CDH2: variants seen among roughly 807,000 people sequenced by gnomAD.
CDH2 encodes cadherin-2.
Under a neutral mutation model 92.0 loss-of-function variants are expected in CDH2, and 17 were observed. The observed-to-expected ratio is 0.18, with a 90% CI of 0.13 to 0.28. CDH2 has a LOEUF of 0.28. CDH2 is among the 10% of genes least tolerant of loss of function. The pLI, the probability that CDH2 is intolerant of heterozygous loss-of-function variation, is 1.00. For synonymous variants in CDH2, 419 were observed against 415.9 expected, an observed-to-expected ratio of 1.01 and a Z score of -0.09; for missense variants, 862 against 1,133.1, an observed-to-expected ratio of 0.76 and a Z score of 3.44.
chr18:27,966,060 AAT>A (rs1045686293), intron 14 of CDH2, among the ~76,000 whole-genome samples: 1 of 151,988 alleles, frequency 6.6e-6, no homozygotes, highest in Non-Finnish European at 1.5e-5. Context: ...TAAAAAATAA[AAT>A]ATGTTTTTTC....
chr18:27,997,097 G>C (rs1475763753), intron 7 of CDH2, among the ~76,000 whole-genome samples: 1 of 152,222 alleles, frequency 6.6e-6, no homozygotes, highest in Admixed American at 6.5e-5. Context: ...AAATAAACAT[G>C]ATGAAATTCT....
intron 1 of CDH2, among the ~76,000 whole-genome samples, chr18:28,171,607 C>T (rs1425929098): frequency 6.6e-6 from 1 of 152,136 alleles, no homozygotes; most frequent in Non-Finnish European, 1.5e-5. Context: ...TCACGATAAA[C>T]TACGGTTAAT....
At chr18:28,116,143 A>C (rs1230005329) in intron 2 of CDH2, among the ~76,000 whole-genome samples, 1 of 152,142 alleles carries the variant, frequency 6.6e-6, no homozygotes, top group Non-Finnish European at 1.5e-5. Flanking sequence ...CCTATACATC[A>C]AAGAATTATC....
chr18:28,144,546 C>A (rs1317391360), intron 2 of CDH2, among the ~76,000 whole-genome samples: 2 of 151,892 alleles, frequency 1.3e-5, no homozygotes. Context: ...TATTTTTGAA[C>A]ACAAATTCCC....
At chr18:27,940,296 T>C (rs975206275) in intron 6 of CDH2, among the ~76,000 whole-genome samples, 1 of 152,176 alleles carries the variant, frequency 6.6e-6, no homozygotes, top group Non-Finnish European at 1.5e-5. Flanking sequence ...CCAGACTCGC[T>C]CTTCTCTTGG....
At chr18:28,102,931 G>A (rs2015250698) in intron 2 of CDH2, among the ~76,000 whole-genome samples, 1 of 151,618 alleles carries the variant, frequency 6.6e-6, no homozygotes, top group Non-Finnish European at 1.5e-5. Context: ...AAAAATTAGG[G>A]GGTAAATTTG....
At chr18:28,115,404 G>A (rs1001214098) in intron 2 of CDH2, among the ~76,000 whole-genome samples, 2 of 152,124 alleles carry the variant, frequency 1.3e-5, no homozygotes, top group Non-Finnish European at 2.9e-5. Flanking sequence ...GTGCTGTCCT[G>A]GTGCTGACCA....
chr18:27,939,859 G>T (rs1909096395), intron 6 of CDH2, among the ~76,000 whole-genome samples: 1 of 152,152 alleles, frequency 6.6e-6, no homozygotes, highest in African/African-American at 2.4e-5. Context: ...GCTGGCAGAT[G>T]GCCCTCAGTT....
Position 27,936,577 on chromosome 18 carries a change from C to T in CDH2, c.1152-3453G>A, listed in dbSNP as rs558478019. Among the ~76,000 whole-genome samples, 162 of 152,204 alleles carry T rather than the reference C, an allele frequency of 1.1e-3. 7 individuals carry two copies. In the South Asian group the frequency reaches 0.032, roughly 30 times the overall value. ...CAGAATCTCACTCTGTCACCCAGCCCAGAGTGCAGTGGTGCTATCACAGCT... is the reference window on the plus strand; with the variant it reads ...CAGAATCTCACTCTGTCACCCAGCCTAGAGTGCAGTGGTGCTATCACAGCT... On this transcript the variant is annotated intron_variant, in intron 6 of 6. Coordinates refer to the CDH2 transcript ENST00000675173.
intron 2 of CDH2, among the ~76,000 whole-genome samples, chr18:28,019,355 C>G (rs1024677071): frequency 6.7e-6 from 1 of 148,396 alleles, no homozygotes; most frequent in Non-Finnish European, 1.5e-5. Flanking sequence ...GGAGGGAAGG[C>G]AGGAAGGAAG....
At chr18:27,985,385 G>A in intron 12 of CDH2, 143 bp downstream of exon 12, 2 of 786,800 alleles carry the variant, frequency 2.5e-6, no homozygotes, top group South Asian at 3.7e-5. Context: ...GGCCGTAAAG[G>A]CCTTTAATAT....
intron 1 of CDH2, among the ~76,000 whole-genome samples, chr18:28,156,333 C>T (rs1036697002): frequency 6.6e-6 from 1 of 152,178 alleles, no homozygotes; most frequent in African/African-American, 2.4e-5. Flanking sequence ...GGCAGCCCCA[C>T]AATACAAGAG....
Position 28,061,770 on chromosome 18 carries a change from G to A in CDH2, c.173-47861C>T, listed in dbSNP as rs150000370. Among the ~76,000 whole-genome samples, 5 of 152,322 alleles carry A rather than the reference G, an allele frequency of 3.3e-5. No individual in the cohort carries two copies. In the East Asian group the frequency reaches 7.7e-4, roughly 23 times the overall value. On this transcript the variant is annotated intron_variant, in intron 2 of 15. Transcript: ENST00000269141. ...AGGACTCACAATCATGGCAGAAGGCGAAGGAATGTCTTACATGGCGGCAGG... is the reference window on the plus strand; with the variant it reads ...AGGACTCACAATCATGGCAGAAGGCAAAGGAATGTCTTACATGGCGGCAGG...
intron 2 of CDH2, among the ~76,000 whole-genome samples, chr18:28,039,760 G>C (rs1215930676): frequency 6.6e-6 from 1 of 152,072 alleles, no homozygotes; most frequent in African/African-American, 2.4e-5. Flanking sequence ...AAAAGTTGTA[G>C]GGTTAGGCAA....
chr18:28,175,828 G>T (rs1399032793), intron 1 of CDH2, among the ~76,000 whole-genome samples: 1 of 152,170 alleles, frequency 6.6e-6, no homozygotes, highest in Non-Finnish European at 1.5e-5. Context: ...TTCCTGCCCC[G>T]CGGCGAGGGT....
intron 1 of CDH2, among the ~76,000 whole-genome samples, chr18:28,166,164 A>ATATATATATATATATATATG (rs1243621340): frequency 7.2e-6 from 1 of 138,534 alleles, no homozygotes; most frequent in Non-Finnish European, 1.6e-5. Context: ...ATATATATAT[A>ATATATATATATATATATATG]TATATATATG....
At chr18:28,069,226 C>G (rs909824424) in intron 2 of CDH2, among the ~76,000 whole-genome samples, 1 of 152,170 alleles carries the variant, frequency 6.6e-6, no homozygotes, top group African/African-American at 2.4e-5. Flanking sequence ...TGTGATCACA[C>G]TAATGCCAAC....
chr18:28,047,361 G>C (rs2014097054), intron 2 of CDH2, among the ~76,000 whole-genome samples: 1 of 152,160 alleles, frequency 6.6e-6, no homozygotes, highest in Admixed American at 6.5e-5. Flanking sequence ...CTTAAGGACA[G>C]AGGTTATGTT....
At chr18:27,998,857 T>C (rs543902357) in intron 7 of CDH2, among the ~76,000 whole-genome samples, 52 of 152,342 alleles carry the variant, frequency 3.4e-4, no homozygotes, top group African/African-American at 1.2e-3. Context: ...TAGGCTCAAC[T>C]GATCTGCCTG....
Sources: allele counts gnomAD v4.1 joint callset (sites outside exome capture counted in the v4.1 genomes callset), GRCh38; gene constraint gnomAD v4.1.1; transcripts MANE v1.5; gene names NCBI Gene and HGNC (gene_info 2026-07-23, HGNC 2026-07-21).